The following SLC7A2 variants were observed in gnomAD, a reference collection of about 807,000 sequenced individuals.
SLC7A2 encodes the protein cationic amino acid transporter 2.
Under a neutral mutation model 58.9 loss-of-function variants are expected in SLC7A2, and 48 were observed. The ratio of observed to expected loss-of-function variants is 0.82; its 90% CI spans 0.65 to 1.04. The LOEUF (loss-of-function observed/expected upper bound fraction) is 1.04. SLC7A2 is among the 50% of genes least tolerant of loss of function. The pLI is 0.00. For missense variants in SLC7A2, 1,029 were observed against 818.8 expected, an observed-to-expected ratio of 1.26 and a Z score of -3.13; for synonymous variants, 363 against 314.5, an observed-to-expected ratio of 1.15 and a Z score of -1.63.
intron 2 of SLC7A2, among the ~76,000 whole-genome samples, chr8:17,526,143 T>G (rs1314968884): frequency 6.6e-6 from 1 of 152,290 alleles, no homozygotes; most frequent in South Asian, 2.1e-4. Context: ...AAAATCCTAG[T>G]CTGATAACGA....
chr8:17,514,467 A>G (rs1185590275), intron 2 of SLC7A2, among the ~76,000 whole-genome samples: 1 of 152,228 alleles, frequency 6.6e-6, no homozygotes, highest in Non-Finnish European at 1.5e-5. Context: ...TCCCTTCTCA[A>G]AAATATATCT....
At chr8:17,521,836 G>A (rs1228614310) in intron 2 of SLC7A2, among the ~76,000 whole-genome samples, 3 of 152,258 alleles carry the variant, frequency 2.0e-5, no homozygotes, top group African/African-American at 7.2e-5. Flanking sequence ...GTGGAAGCAA[G>A]TTTCTTCATG....
intron 9 of SLC7A2, 120 bp downstream of exon 9, chr8:17,558,517 C>T (rs1802815192): frequency 3.6e-6 from 2 of 561,590 alleles, no homozygotes; most frequent in Admixed American, 3.4e-5. Context: ...TGAGAGGTCA[C>T]ATCTAACAAA....
intron 4 of SLC7A2, among the ~76,000 whole-genome samples, chr8:17,545,730 C>T (rs1225594522): frequency 6.6e-6 from 1 of 152,058 alleles, no homozygotes; most frequent in Non-Finnish European, 1.5e-5. Flanking sequence ...TTCTTACCTG[C>T]AGTCCTGCTT....
intron 11 of SLC7A2, among the ~76,000 whole-genome samples, chr8:17,562,415 G>A (rs1803060493): frequency 6.6e-6 from 1 of 151,924 alleles, no homozygotes; most frequent in African/African-American, 2.4e-5. Context: ...ATGTTAGCCA[G>A]GATGGTCTCG....
chr8:17,557,663 A>G (rs1585264244), intron 8 of SLC7A2, among the ~76,000 whole-genome samples: 1 of 151,752 alleles, frequency 6.6e-6, no homozygotes, highest in Non-Finnish European at 1.5e-5. Context: ...CCCTGCCCCT[A>G]CGAAAAATAC....
chr8:17,543,165 C>T (rs1368866486), intron 2 of SLC7A2, among the ~76,000 whole-genome samples, 153 bp from the exon 3 acceptor site: 2 of 151,268 alleles, frequency 1.3e-5, no homozygotes, highest in African/African-American at 2.4e-5. Context: ...TGCTCTGGGT[C>T]ACTGCATCTC....
intron 2 of SLC7A2, among the ~76,000 whole-genome samples, chr8:17,537,176 C>T (rs1443310745): frequency 1.3e-5 from 2 of 152,234 alleles, no homozygotes; most frequent in Admixed American, 6.5e-5. Flanking sequence ...CCTGCCTTAG[C>T]CTCCCGAGTA....
chr8:17,561,397 A>C (rs1368668770), intron 10 of SLC7A2, among the ~76,000 whole-genome samples: 1 of 152,166 alleles, frequency 6.6e-6, no homozygotes, highest in African/African-American at 2.4e-5. Context: ...AAACCATCAG[A>C]TCTCGCTAGA....
In SLC7A2 at chr8:17,544,470, A is replaced by G. The variant is rs763795687; in HGVS notation, c.396A>G (p.Arg132=). The G allele has an allele frequency of 1.2e-6, 2 of 1,614,114 alleles. No individual in the cohort carries two copies. The highest frequency in any genetic ancestry group is 4.5e-5 in the East Asian group (2 of 44,866). ...SYVIGTSSVA[R]AWSGTFDELL... is the part of the protein sequence containing the mutation. ...GGGAAGGTACATCAAGTGTTGCAAG[A>G]GCCTGGAGTGGCACCTTTGATGAAC... The change falls in exon 4 of 13, where the codon AGA becomes AGG. Residue 132 remains arginine, a synonymous_variant. Coordinates refer to ENST00000494857, the MANE Select transcript of SLC7A2 (RefSeq NM_001370338.1).
At chr8:17,561,906 C>G (rs573102921) in intron 10 of SLC7A2, 38 bp from the exon 11 acceptor site, 4 of 1,604,068 alleles carry the variant, frequency 2.5e-6, no homozygotes, top group Non-Finnish European at 3.4e-6. Flanking sequence ...GGGTGGAGCA[C>G]AGTGTGCTGA....
intron 6 of SLC7A2, among the ~76,000 whole-genome samples, chr8:17,550,884 C>T (rs562201817): frequency 5.4e-4 from 82 of 152,254 alleles, no homozygotes; most frequent in Non-Finnish European, 9.4e-4. Flanking sequence ...CATAATCATG[C>T]CGGAGTCACT....
intron 7 of SLC7A2, among the ~76,000 whole-genome samples, chr8:17,554,183 G>A (rs972873609): frequency 3.9e-5 from 6 of 152,196 alleles, no homozygotes; most frequent in African/African-American, 1.4e-4. Context: ...TATCAAATTA[G>A]TAATTTTATT....
intron 2 of SLC7A2, among the ~76,000 whole-genome samples, chr8:17,537,704 C>T (rs1205803208): frequency 6.6e-6 from 1 of 152,126 alleles, no homozygotes; most frequent in African/African-American, 2.4e-5. Context: ...GGAGAGGGAA[C>T]AGGTTGTACC....
At chr8:17,502,094 T>TGTATATATAATTATATATATAC (rs1183063015) in intron 1 of SLC7A2, among the ~76,000 whole-genome samples, 163 bp from the exon 2 acceptor site, 8 of 151,686 alleles carry the variant, frequency 5.3e-5, no homozygotes, top group African/African-American at 9.7e-5. Context: ...TCCCACCATA[T>TGTATATATAATTATATATATAC]GTATATATAA....
At chr8:17,547,447 A>G (rs1004961659) in intron 4 of SLC7A2, among the ~76,000 whole-genome samples, 3 of 152,210 alleles carry the variant, frequency 2.0e-5, no homozygotes, top group African/African-American at 7.2e-5. Context: ...GTGGGGACAC[A>G]GCCAAATCAT....
chr8:17,556,516 A>C (rs1168046261), intron 8 of SLC7A2, among the ~76,000 whole-genome samples: 2 of 151,982 alleles, frequency 1.3e-5, no homozygotes, highest in Admixed American at 1.3e-4. Context: ...TTGTGTGGAC[A>C]ACTTATCATT....
intron 2 of SLC7A2, among the ~76,000 whole-genome samples, chr8:17,510,221 A>G (rs1800546416): frequency 7.4e-6 from 1 of 134,350 alleles, no homozygotes; most frequent in Non-Finnish European, 1.6e-5. Flanking sequence ...CTCTGTCTCA[A>G]AATAAACAAA....
At chr8:17,498,182 A>G (rs1800024998) in intron 1 of SLC7A2, among the ~76,000 whole-genome samples, 1 of 152,218 alleles carries the variant, frequency 6.6e-6, no homozygotes, top group Non-Finnish European at 1.5e-5. Context: ...ACCAGTAATA[A>G]GATTTATCTA....
Sources: gnomAD v4.1 joint callset for allele counts (sites outside exome capture counted in the v4.1 genomes callset) on GRCh38, gnomAD v4.1.1 for gene constraint, MANE v1.5 for transcripts, NCBI Gene and HGNC (gene_info 2026-07-23, HGNC 2026-07-21) for gene names.